Variants in FOXP2 observed in about 807,000 individuals in gnomAD.
FOXP2 encodes forkhead box protein P2.
A neutral mutation model predicts 115.8 loss-of-function variants in FOXP2; 12 were observed. The observed-to-expected ratio is 0.10, with a 90% CI of 0.07 to 0.17. The LOEUF is 0.17. FOXP2 is among the 10% of genes least tolerant of loss of function. The pLI is 1.00. For missense variants in FOXP2, 629 were observed against 843.5 expected (o/e 0.75, Z 3.15); for synonymous variants, 328 against 297.7 (o/e 1.10, Z -1.05).
intron 1 of FOXP2, among the ~76,000 whole-genome samples, chr7:114,207,947 T>G (rs13239848): frequency 0.85 from 129,913 of 152,210 alleles, 56,177 homozygotes; most frequent in Admixed American, 0.93. Context: ...GGCTGCTTGA[T>G]CTTAGGAGTT....
intron 1 of FOXP2, among the ~76,000 whole-genome samples, chr7:114,102,377 G>C (rs1790991940): frequency 6.6e-6 from 1 of 151,698 alleles, no homozygotes. Flanking sequence ...TTCTGTAAAG[G>C]TCTCTATAGT....
chr7:114,385,070 C>G (rs1792410237), intron 2 of FOXP2, among the ~76,000 whole-genome samples: 1 of 151,794 alleles, frequency 6.6e-6, no homozygotes, highest in African/African-American at 2.4e-5. Context: ...AATTCCCTCT[C>G]TCCCTCTTAG....
At chr7:114,540,498 T>G (rs1182449592) in intron 3 of FOXP2, among the ~76,000 whole-genome samples, 1 of 152,086 alleles carries the variant, frequency 6.6e-6, no homozygotes, top group Non-Finnish European at 1.5e-5. Context: ...GAGTGATTAT[T>G]TATCATGTGT....
intron 2 of FOXP2, among the ~76,000 whole-genome samples, chr7:114,347,478 T>C (rs977204501): frequency 6.6e-6 from 1 of 151,942 alleles, no homozygotes; most frequent in African/African-American, 2.4e-5. Context: ...TAGTTAATGC[T>C]TTCACCCCAG....
intron 1 of FOXP2, among the ~76,000 whole-genome samples, chr7:114,227,394 G>T (rs1562825459): frequency 6.6e-6 from 1 of 151,984 alleles, no homozygotes; most frequent in Non-Finnish European, 1.5e-5. Flanking sequence ...CACCCAAGCA[G>T]CATTCTGATT....
At chr7:114,385,028 C>T (rs1240170621) in intron 2 of FOXP2, among the ~76,000 whole-genome samples, 2 of 151,568 alleles carry the variant, frequency 1.3e-5, no homozygotes, top group Non-Finnish European at 1.5e-5. Flanking sequence ...CTATGACTCC[C>T]TCTTTGTCTC....
At chr7:114,334,913 T>TA (rs1797805473) in intron 2 of FOXP2, among the ~76,000 whole-genome samples, 1 of 135,852 alleles carries the variant, frequency 7.4e-6, no homozygotes, top group African/African-American at 2.7e-5. Context: ...TATATATATA[T>TA]TTTATATATA....
chr7:114,641,795 ATTTT>A (rs1175159554), intron 6 of FOXP2, among the ~76,000 whole-genome samples: 5 of 151,536 alleles, frequency 3.3e-5, no homozygotes, highest in African/African-American at 9.7e-5. Context: ...TTATTTATTT[ATTTT>A]TATTTTTTAT....
At chr7:114,573,973 TC>T (rs999626092) in intron 3 of FOXP2, among the ~76,000 whole-genome samples, 1 of 151,782 alleles carries the variant, frequency 6.6e-6, no homozygotes, top group Admixed American at 6.6e-5. Flanking sequence ...AAATATTTTT[TC>T]ATAGGGTTTT....
At chr7:114,151,086 A>G (rs1554422520) in intron 1 of FOXP2, among the ~76,000 whole-genome samples, 2 of 152,004 alleles carry the variant, frequency 1.3e-5, no homozygotes, top group Non-Finnish European at 2.9e-5. Flanking sequence ...TCTAAATGGT[A>G]TTTTAATTCT....
At chr7:114,539,147 A>G (rs925289238) in intron 3 of FOXP2, among the ~76,000 whole-genome samples, 2 of 151,904 alleles carry the variant, frequency 1.3e-5, no homozygotes, top group African/African-American at 4.8e-5. Flanking sequence ...CTAATTATCA[A>G]TACTGAAATT....
intron 2 of FOXP2, among the ~76,000 whole-genome samples, chr7:114,444,964 ATAATT>A (rs1219228597): frequency 6.6e-6 from 1 of 152,106 alleles, no homozygotes; most frequent in Non-Finnish European, 1.5e-5. Context: ...AAAATTACAC[ATAATT>A]TAAAGAAGAA....
intron 2 of FOXP2, among the ~76,000 whole-genome samples, chr7:114,370,943 C>A (rs1445422580): frequency 2.0e-5 from 3 of 151,982 alleles, no homozygotes; most frequent in African/African-American, 7.3e-5. Context: ...CAGAGAAACC[C>A]TGTTTTATTT....
chr7:114,364,168 C>T (rs572580105), intron 2 of FOXP2, among the ~76,000 whole-genome samples: 109 of 152,140 alleles, frequency 7.2e-4, no homozygotes, highest in Non-Finnish European at 1.0e-3. Context: ...TAAAATTTAA[C>T]ACATATATTG....
rs536699438 is a variant in FOXP2, at chr7:114,528,465, G to T, written c.169-6152G>T. 2.6e-5 allele frequency among the ~76,000 whole-genome samples: 4 copies of T among 152,090 alleles called. No individual in the cohort carries two copies. In the South Asian group the frequency reaches 8.3e-4, roughly 32 times the overall value. ...TATCACCCCTTCTATCTCCACAAGT[G>T]TGCAGTGCTTTGTTCTTTGCTAGGT... is the stretch of plus-strand genomic sequence containing the variant. On this transcript the variant is annotated intron_variant, in intron 2 of 16. Coordinates refer to ENST00000350908, the MANE Select transcript of FOXP2 (RefSeq NM_014491.4).
chr7:114,683,136 GA>G (rs1307452260), intron 16 of FOXP2, among the ~76,000 whole-genome samples: 1 of 152,108 alleles, frequency 6.6e-6, no homozygotes, highest in Admixed American at 6.5e-5. Context: ...GTTCTGAATG[GA>G]AAATATTCCA....
intron 1 of FOXP2, among the ~76,000 whole-genome samples, chr7:114,133,668 T>C (rs1264538439): frequency 1.3e-5 from 2 of 152,224 alleles, no homozygotes; most frequent in Non-Finnish European, 2.9e-5. Context: ...AGTGTTTGTG[T>C]TATTGGGTTG....
Position 114,301,367 on chromosome 7 carries a change from G to A in FOXP2, c.-11+13258G>A, listed in dbSNP as rs117773734. 6.5e-3 allele frequency among the ~76,000 whole-genome samples: 986 copies of A among 152,216 alleles called. 13 individuals carry two copies. Among genetic ancestry groups the A allele is most frequent in the Non-Finnish European group, 0.011 (757 of 67,966 alleles). On this transcript the variant is annotated intron_variant, in intron 2 of 17. Coordinates refer to the FOXP2 transcript ENST00000634411. ...TTAGTTTCACAAATATTTGGAGAAAGTCTTGAAAGATGCAATGGCATTCCT... is the reference window on the plus strand; with the variant it reads ...TTAGTTTCACAAATATTTGGAGAAAATCTTGAAAGATGCAATGGCATTCCT...
At chr7:114,616,940 GC>G (rs1803983250) in intron 3 of FOXP2, among the ~76,000 whole-genome samples, 1 of 152,148 alleles carries the variant, frequency 6.6e-6, no homozygotes, top group Non-Finnish European at 1.5e-5. Context: ...TAAAAAATTA[GC>G]CAGGCATGGC....
Sources: allele counts gnomAD v4.1 joint callset (sites outside exome capture counted in the v4.1 genomes callset), GRCh38; gene constraint gnomAD v4.1.1; transcripts MANE v1.5; gene names NCBI Gene and HGNC (gene_info 2026-07-23, HGNC 2026-07-21).